Variants in FMN2 observed in about 807,000 individuals in gnomAD.
FMN2 encodes formin-2.
FMN2 carries 51 observed loss-of-function variants against 142.3 expected under a neutral mutation model. That is an observed-to-expected ratio of 0.36 (90% CI 0.29 to 0.45). The LOEUF (loss-of-function observed/expected upper bound fraction) is 0.45, where lower values mean the gene tolerates loss of function less well. Ranked by LOEUF, FMN2 falls within the 20% of genes least tolerant of loss-of-function variation. FMN2 has a pLI of 1.00. For missense variants in FMN2, 1,936 were observed against 2,122.8 expected (o/e 0.91, Z 1.73); for synonymous variants, 882 against 869.8 (o/e 1.01, Z -0.25).
intron 8 of FMN2, among the ~76,000 whole-genome samples, chr1:240,323,127 C>CCTT: frequency 6.8e-6 from 1 of 147,514 alleles, no homozygotes; most frequent in South Asian, 2.2e-4. Flanking sequence ...CTTTTTCTTT[C>CCTT]CTTCCTTCCT....
chr1:240,442,519 C>G (rs1288916948), intron 16 of FMN2, among the ~76,000 whole-genome samples: 2 of 152,144 alleles, frequency 1.3e-5, no homozygotes, highest in African/African-American at 2.4e-5. Context: ...TTAAAATCAC[C>G]CATGTGATTA....
At chr1:240,203,125 G>C (rs1558357192) in intron 4 of FMN2, among the ~76,000 whole-genome samples, 1 of 152,174 alleles carries the variant, frequency 6.6e-6, no homozygotes, top group Middle Eastern at 3.4e-3. Flanking sequence ...GATAAATTTG[G>C]GTGCTGGTTT....
chr1:240,410,925 G>A (rs1230297678), intron 15 of FMN2, among the ~76,000 whole-genome samples: 2 of 152,072 alleles, frequency 1.3e-5, no homozygotes, highest in East Asian at 3.9e-4. Flanking sequence ...ATTTTTCTCA[G>A]CTGTTTTCTC....
At chr1:240,399,927 G>T (rs778279599) in intron 15 of FMN2, among the ~76,000 whole-genome samples, 23 of 152,308 alleles carry the variant, frequency 1.5e-4, no homozygotes, top group Non-Finnish European at 3.2e-4. Flanking sequence ...TTGTGCAGGT[G>T]CACAGAAGTC....
chr1:240,315,085 A>G (rs4433380), intron 8 of FMN2, among the ~76,000 whole-genome samples: 21,888 of 152,092 alleles, frequency 0.14, 2,037 homozygotes, highest in African/African-American at 0.26. Context: ...AATTTTGCCA[A>G]CCTGATGCCA....
chr1:240,193,364 C>T (rs1267300388), intron 4 of FMN2, among the ~76,000 whole-genome samples: 1 of 152,144 alleles, frequency 6.6e-6, no homozygotes, highest in Non-Finnish European at 1.5e-5. Flanking sequence ...AAGAACATAC[C>T]TCTTTCACGT....
intron 2 of FMN2, among the ~76,000 whole-genome samples, chr1:240,142,292 T>C (rs76222726): frequency 0.016 from 2,501 of 152,182 alleles, 25 homozygotes; most frequent in Non-Finnish European, 0.025. Flanking sequence ...AAGCTGCTAG[T>C]GCAAAGCCAA....
chr1:240,368,136 A>G (rs1251840116), intron 14 of FMN2, among the ~76,000 whole-genome samples: 2 of 152,096 alleles, frequency 1.3e-5, no homozygotes, highest in Non-Finnish European at 2.9e-5. Context: ...TATTCTATTT[A>G]CTGTAGACTT....
At chr1:240,356,272 A>T (rs1026458891) in intron 14 of FMN2, among the ~76,000 whole-genome samples, 4 of 152,162 alleles carry the variant, frequency 2.6e-5, no homozygotes, top group African/African-American at 9.7e-5. Flanking sequence ...AATTGTACTG[A>T]TGAGCTCATT....
Position 240,355,950 on chromosome 1 carries a change from G to GT in FMN2, c.4858+42_4858+43insT, listed in dbSNP as rs1558449489. On this transcript the variant is annotated intron_variant, in intron 14 of 17. Coordinates refer to ENST00000319653, the MANE Select transcript of FMN2 (RefSeq NM_020066.5). Reference sequence around the variant, plus strand: ...TGTGTTATGTTTTTCTCCCCTTTCAGCAAAAAAAAAAAAAAAAAAAAAAAA... The same window carrying GT: ...TGTGTTATGTTTTTCTCCCCTTTCAGTCAAAAAAAAAAAAAAAAAAAAAAAA... 1.2e-4 allele frequency: 10 copies of GT among 86,238 alleles called. No homozygotes were observed. In the African/African-American group the frequency reaches 1.4e-3, roughly 12 times the overall value. The allele number at this position is 86,238 out of a possible 1,614,324, so 5.3% of individuals were successfully genotyped here.
At chr1:240,211,471 C>G (rs958323083) in intron 6 of FMN2, among the ~76,000 whole-genome samples, 2 of 152,180 alleles carry the variant, frequency 1.3e-5, no homozygotes, top group African/African-American at 4.8e-5. Context: ...CATCATAATA[C>G]ATATTTCCAA....
At chr1:240,313,766 G>A (rs1572183142) in intron 8 of FMN2, among the ~76,000 whole-genome samples, 2 of 152,146 alleles carry the variant, frequency 1.3e-5, no homozygotes, top group Non-Finnish European at 1.5e-5. Context: ...TCAGGAGTTC[G>A]AAACCAGCCT....
chr1:240,207,206 C>T lies in FMN2; in HGVS notation c.2394C>T (p.Leu798=), dbSNP rs569497003. The change falls in exon 5 of 18, where the codon CTC becomes CTT. Residue 798 remains leucine, a synonymous_variant. Coordinates refer to ENST00000319653, the MANE Select transcript of FMN2 (RefSeq NM_020066.5). ...IVSPRRISVQ[L]DSHQPTQSIS... is the part of the protein sequence containing the mutation. ...CTCCAAGGCGAATATCAGTCCAGCT[C>T]GACAGCCATCAGCCCACACAGAGCA... The T allele has an allele frequency of 8.6e-5, 138 of 1,614,008 alleles. No individual in the cohort carries two copies. The Admixed American group carries it at 2.0e-3, about 24-fold the overall frequency.
chr1:240,337,351 G>A (rs566479439), intron 13 of FMN2, among the ~76,000 whole-genome samples: 25 of 151,610 alleles, frequency 1.6e-4, no homozygotes, highest in Middle Eastern at 3.4e-3. Flanking sequence ...TGAGTAGCTG[G>A]GATTACAGGC....
At chr1:240,248,683 C>G (rs2102881152) in intron 6 of FMN2, among the ~76,000 whole-genome samples, 1 of 151,808 alleles carries the variant, frequency 6.6e-6, no homozygotes, top group East Asian at 1.9e-4. Flanking sequence ...ATATTGTTTT[C>G]CATAGTGACT....
intron 16 of FMN2, among the ~76,000 whole-genome samples, chr1:240,455,415 A>G (rs983962055): frequency 2.6e-5 from 4 of 152,090 alleles, no homozygotes; most frequent in African/African-American, 9.7e-5. Context: ...ACCAGGAGGC[A>G]CACTACAATT....
intron 13 of FMN2, among the ~76,000 whole-genome samples, chr1:240,344,013 T>C (rs1301044709): frequency 6.6e-6 from 1 of 152,188 alleles, no homozygotes; most frequent in East Asian, 1.9e-4. Flanking sequence ...TTTCTGATTA[T>C]AGAAACTCAA....
rs34849609 is a variant in FMN2, at chr1:240,445,702, G to GTTTTT, written c.5060+7502_5060+7506dup. Among the ~76,000 whole-genome samples the GTTTTT allele has an allele frequency of 1.4e-4, 20 of 143,340 alleles. 1 individual carries two copies. The highest frequency in any genetic ancestry group is 1.7e-4 in the Non-Finnish European group (11 of 66,342). The allele number at this position is 143,340 out of a possible 152,430, so 94.0% of individuals were successfully genotyped here. ...GCATTCAATAGGAAGCCATCAAAGG[G>GTTTTT]TTTTTTTTTTTTTTCTGGAGAGAAA... On this transcript the variant is annotated intron_variant, in intron 16 of 17. Coordinates refer to ENST00000319653, the MANE Select transcript of FMN2 (RefSeq NM_020066.5).
intron 16 of FMN2, among the ~76,000 whole-genome samples, chr1:240,440,473 C>G (rs1360746594): frequency 6.6e-6 from 1 of 151,142 alleles, no homozygotes; most frequent in Non-Finnish European, 1.5e-5. Flanking sequence ...CTCTAAGTAT[C>G]TCATAAAATC....
Sources: gnomAD v4.1 joint callset for allele counts (sites outside exome capture counted in the v4.1 genomes callset) on GRCh38, gnomAD v4.1.1 for gene constraint, MANE v1.5 for transcripts, NCBI Gene and HGNC (gene_info 2026-07-23, HGNC 2026-07-21) for gene names.